The following WFDC2 variants were observed in gnomAD, a reference collection of about 807,000 sequenced individuals.
The protein encoded by WFDC2 is WAP four-disulfide core domain 2, also known as WAP four-disulfide core domain protein 2.
In WFDC2, 8 loss-of-function variants were observed where a neutral mutation model predicts 12.5. The observed-to-expected ratio is 0.64, with a 90% CI of 0.37 to 1.15. WFDC2 has a LOEUF of 1.15. WFDC2 is among the 50% of genes most tolerant of loss of function. The pLI is 0.01. For missense variants in WFDC2, 166 were observed against 159.9 expected (o/e 1.04, Z -0.21); for synonymous variants, 74 against 67.2 (o/e 1.10, Z -0.49).
chr20:45,471,751 T>A (rs1049409550), intron 2 of WFDC2, among the ~76,000 whole-genome samples: 1 of 152,124 alleles, frequency 6.6e-6, no homozygotes, highest in Non-Finnish European at 1.5e-5. Context: ...TTATCTCAGA[T>A]GGACAGACTG....
chr20:45,477,234 T>C (rs1991244007), intron 2 of WFDC2, among the ~76,000 whole-genome samples: 1 of 152,196 alleles, frequency 6.6e-6, no homozygotes, highest in African/African-American at 2.4e-5. Context: ...CGAGGAATTG[T>C]GATCCTTTGG....
intron 3 of WFDC2, among the ~76,000 whole-genome samples, chr20:45,480,724 A>G (rs1991291849): frequency 6.6e-6 from 1 of 152,236 alleles, no homozygotes; most frequent in Non-Finnish European, 1.5e-5. Flanking sequence ...TAACCTGAAG[A>G]TAACTGATAG....
Position 45,470,578 on chromosome 20 carries a change from G to T in WFDC2, c.223+46G>T. On this transcript the variant is annotated intron_variant, in intron 2 of 3. Coordinates refer to ENST00000372676, the MANE Select transcript of WFDC2 (RefSeq NM_006103.4). The surrounding 1 kb of genome is among the most constrained non-coding windows in gnomAD (Gnocchi z 5.4). Reference sequence around the variant, plus strand: ...CGGGAACGGGGCGGGGCCGCGCTGGGCTGGGAGGAGGTGGGAGGGCCCGGG... The same window carrying T: ...CGGGAACGGGGCGGGGCCGCGCTGGTCTGGGAGGAGGTGGGAGGGCCCGGG... 6.6e-7 allele frequency: 1 copy of T among 1,524,882 alleles called. No individual in the cohort carries two copies. 94.5% of individuals were successfully genotyped at this position (1,524,882 alleles called of 1,614,324 possible). A position where few individuals can be genotyped will look rare whatever the true frequency, so the allele number is the denominator to read the frequency against.
At chr20:45,474,402 AT>A (rs1287692769) in intron 2 of WFDC2, among the ~76,000 whole-genome samples, 2 of 152,140 alleles carry the variant, frequency 1.3e-5, no homozygotes, top group African/African-American at 4.8e-5. Context: ...GTTGAATTTT[AT>A]CAAAGGCCTT....
intron 1 of WFDC2, 74 bp downstream of exon 1, chr20:45,469,934 C>T: frequency 2.6e-6 from 4 of 1,534,386 alleles, no homozygotes; most frequent in South Asian, 2.4e-5. Flanking sequence ...CAGGCGGAGG[C>T]GTAGCCTCTG....
At chr20:45,476,804 A>C (rs986484423) in intron 2 of WFDC2, among the ~76,000 whole-genome samples, 1 of 152,196 alleles carries the variant, frequency 6.6e-6, no homozygotes, top group Non-Finnish European at 1.5e-5. Flanking sequence ...ACTTTCAGGT[A>C]CATCAATCAA....
At chr20:45,477,837 T>C (rs1364976210) in intron 2 of WFDC2, among the ~76,000 whole-genome samples, 2 of 152,212 alleles carry the variant, frequency 1.3e-5, no homozygotes, top group South Asian at 2.1e-4. Context: ...GGCTGCTGCC[T>C]TTTTTTCAGA....
intron 2 of WFDC2, among the ~76,000 whole-genome samples, chr20:45,476,841 C>T (rs1991239360): frequency 6.6e-6 from 1 of 152,022 alleles, no homozygotes. Flanking sequence ...TTCACATAGT[C>T]CCATATTTTT....
Position 45,470,568 on chromosome 20 carries a change from G to T in WFDC2, c.223+36G>T. On this transcript the variant is annotated intron_variant, in intron 2 of 3. Coordinates refer to ENST00000372676, the MANE Select transcript of WFDC2 (RefSeq NM_006103.4). The surrounding 1 kb of genome is among the most constrained non-coding windows in gnomAD (Gnocchi z 5.4). ...GGCGGCCGAGCGGGAACGGGGCGGG[G>T]CCGCGCTGGGCTGGGAGGAGGTGGG... 1.3e-6 allele frequency: 2 copies of T among 1,546,022 alleles called. No homozygotes were observed. Among genetic ancestry groups the T allele is most frequent in the East Asian group, 2.3e-5 (1 of 42,638 alleles).
At chr20:45,472,947 G>A (rs1991190683) in intron 2 of WFDC2, among the ~76,000 whole-genome samples, 1 of 152,204 alleles carries the variant, frequency 6.6e-6, no homozygotes, top group Non-Finnish European at 1.5e-5. Flanking sequence ...GACCAGTGAT[G>A]ATGAGCATTT....
Position 45,470,469 on chromosome 20 carries a change from G to A in WFDC2, c.160G>A (p.Glu54Lys). 6.3e-7 allele frequency: 1 copy of A among 1,596,352 alleles called. No individual in the cohort carries two copies. The highest frequency in any genetic ancestry group is 8.5e-7 in the Non-Finnish European group (1 of 1,170,906). ...CACGCAAGAGTGCGTCTCGGACAGC[G>A]AATGCGCCGACAACCTCAAGTGCTG... ...NCTQECVSDS[E>K]CADNLKCCSA... Residue 54 changes from glutamate to lysine, a missense_variant, in exon 2 of 4, where the codon GAA becomes AAA. By Grantham distance (56) the Glu-to-Lys change is moderately conservative. Transcript: ENST00000372676. This position sits in a 1 kb window ranked among gnomAD's most constrained non-coding sequence, Gnocchi z 5.4.
In WFDC2 at chr20:45,470,731, A is replaced by G. The variant is rs1292867422; in HGVS notation, c.223+199A>G. Among the ~76,000 whole-genome samples, 1 of 152,080 alleles carries G rather than the reference A, an allele frequency of 6.6e-6. No homozygotes were observed. Among genetic ancestry groups the G allele is most frequent in the African/African-American group, 2.4e-5 (1 of 41,438 alleles). On this transcript the variant is annotated intron_variant, in intron 2 of 3. Coordinates refer to ENST00000372676, the MANE Select transcript of WFDC2 (RefSeq NM_006103.4). This position sits in a 1 kb window ranked among gnomAD's most constrained non-coding sequence, Gnocchi z 5.4. ...CAAAGGCGTCGTTGAAACGCAGCCAAGGGGGGGTCCCCACCCCTAGCTGGG... is the reference window on the plus strand; with the variant it reads ...CAAAGGCGTCGTTGAAACGCAGCCAGGGGGGGGTCCCCACCCCTAGCTGGG...
rs201499488 is a variant in WFDC2 at position 45,479,998 on chromosome 20, C to G, written c.280C>G (p.Arg94Gly). 1.9e-6 allele frequency: 3 copies of G among 1,614,116 alleles called. No homozygotes were observed. The African/African-American group carries it at 4.0e-5, about 22-fold the overall frequency. ...NINFPQLGLC[R>G]DQCQVDSQCP... ...TAACTTTCCCCAGCTCGGCCTCTGT[C>G]GGGACCAGTGCCAGGTGGACAGCCA... Residue 94 changes from arginine (R) to glycine (G), a missense_variant, in exon 3 of 4, where the codon CGG becomes GGG. Physicochemically the swap from Arg to Gly is moderately radical, Grantham distance 125. Transcript: ENST00000372676.
chr20:45,472,128 T>G (rs1450342946), intron 2 of WFDC2, among the ~76,000 whole-genome samples: 1 of 152,098 alleles, frequency 6.6e-6, no homozygotes, highest in Non-Finnish European at 1.5e-5. Context: ...CATTTTTTTT[T>G]GTATTTATGC....
At chr20:45,469,935 G>T in intron 1 of WFDC2, 75 bp downstream of exon 1, 4 of 1,528,074 alleles carry the variant, frequency 2.6e-6, no homozygotes. Context: ...AGGCGGAGGC[G>T]TAGCCTCTGG....
intron 2 of WFDC2, among the ~76,000 whole-genome samples, chr20:45,474,788 G>T (rs1385738368): frequency 2.0e-5 from 3 of 152,212 alleles, no homozygotes; most frequent in Non-Finnish European, 4.4e-5. Context: ...GTGGAATTCG[G>T]CTGTGAATCT....
intron 2 of WFDC2, among the ~76,000 whole-genome samples, chr20:45,473,339 A>G (rs931475698): frequency 2.6e-5 from 4 of 152,190 alleles, no homozygotes; most frequent in African/African-American, 9.7e-5. Context: ...TCTTTAATCC[A>G]TCTTGAGTTA....
Position 45,469,872 on chromosome 20 carries a change from G to A in WFDC2, c.79+12G>A. On this transcript the variant is annotated intron_variant, in intron 1 of 3. Transcript: ENST00000372676. Reference sequence around the variant, plus strand: ...CACCCTAGTCTCAGGTGAGTGGGGCGGGGAGAGGCCCGGCGCCTAGAGGGG... The same window carrying A: ...CACCCTAGTCTCAGGTGAGTGGGGCAGGGAGAGGCCCGGCGCCTAGAGGGG... 3 of 1,600,514 alleles carry A rather than the reference G, an allele frequency of 1.9e-6. No homozygotes were observed. Among genetic ancestry groups the A allele is most frequent in the Non-Finnish European group, 1.7e-6 (2 of 1,174,074 alleles).
intron 2 of WFDC2, 150 bp from the exon 3 acceptor site, chr20:45,479,792 G>C (rs1991277998): frequency 6.2e-7 from 1 of 1,613,554 alleles, no homozygotes; most frequent in African/African-American, 1.3e-5. Context: ...GGCCTCCTGA[G>C]AGCAGCTCAG....
Sources: gnomAD v4.1 joint callset for allele counts (sites outside exome capture counted in the v4.1 genomes callset) on GRCh38, gnomAD v4.1.1 for gene constraint, Gnocchi (gnomAD v3.1) non-coding constraint, MANE v1.5 for transcripts, NCBI Gene and HGNC (gene_info 2026-07-23, HGNC 2026-07-21) for gene names.